Variants in ZNF550 observed in about 807,000 individuals in gnomAD.
ZNF550 encodes zinc finger protein 550.
A neutral mutation model predicts 40.2 loss-of-function variants in ZNF550; 42 were observed. That is an observed-to-expected ratio of 1.05 (90% CI 0.82 to 1.35). The LOEUF (loss-of-function observed/expected upper bound fraction) is 1.35, where lower values mean the gene tolerates loss of function less well. Among genes scored for constraint, ZNF550 ranks in the 40% most tolerant of loss-of-function variants. The pLI is 0.00. For missense variants in ZNF550, 549 were observed against 525.2 expected, an observed-to-expected ratio of 1.05 and a Z score of -0.44; for synonymous variants, 223 against 198.6, an observed-to-expected ratio of 1.12 and a Z score of -1.03.
At chr19:57,560,421 G>T (rs1173780373), upstream of ZNF550, among the ~76,000 whole-genome samples, 1 of 152,206 alleles carries the variant, frequency 6.6e-6, no homozygotes, top group Non-Finnish European at 1.5e-5. Context: ...CCCGCTTCCG[G>T]AGTCCAGCTT....
At chr19:57,545,249 C>T (rs1432009975) in intron 4 of ZNF550, among the ~76,000 whole-genome samples, 1 of 152,180 alleles carries the variant, frequency 6.6e-6, no homozygotes, top group Non-Finnish European at 1.5e-5. Context: ...ATGCTAGGCA[C>T]TTTATTTTGT....
Position 57,550,071 on chromosome 19 carries a change from C to A in ZNF550, c.251-2078G>T, listed in dbSNP as rs372733374. Among the ~76,000 whole-genome samples, 25 of 152,176 alleles carry A rather than the reference C, an allele frequency of 1.6e-4. No individual in the cohort carries two copies. The East Asian group carries it at 2.1e-3, about 13-fold the overall frequency. On this transcript the variant is annotated intron_variant, in intron 3 of 4. Coordinates refer to ENST00000457177, the Ensembl canonical transcript of ZNF550. ...ATTACCCTTATTATTTTCATTGCTG[C>A]GCTGGGCAATTTGGGTAATGCCAGT...
At chr19:57,548,195 G>C (rs2090041377) in intron 3 of ZNF550, among the ~76,000 whole-genome samples, 1 of 152,196 alleles carries the variant, frequency 6.6e-6, no homozygotes, top group South Asian at 2.1e-4. Flanking sequence ...CTGGAGGGCA[G>C]GCTGGACCGG....
chr19:57,558,769 A>C (rs1366891236), intron 1 of ZNF550, among the ~76,000 whole-genome samples: 2 of 152,166 alleles, frequency 1.3e-5, no homozygotes, highest in African/African-American at 4.8e-5. Flanking sequence ...CTACGACAGG[A>C]GCTGACAGTA....
At chr19:57,544,172 C>T (rs1447778843) in intron 4 of ZNF550, 1 of 985,360 alleles carries the variant, frequency 1.0e-6, no homozygotes, top group African/African-American at 1.7e-5. Context: ...TCCCACTCTT[C>T]TAAGTATGAC....
At chr19:57,547,092 C>A in exon 4 of ZNF550, 1 of 1,610,248 alleles carries the variant, frequency 6.2e-7, no homozygotes, top group Non-Finnish European at 8.5e-7. Flanking sequence ...GAATGAGGTA[C>A]GTGCTCCGGT....
intron 2 of ZNF550, chr19:57,556,018 G>A (rs2090117528): frequency 5.6e-6 from 3 of 538,020 alleles, no homozygotes; most frequent in African/African-American, 1.9e-5. Context: ...CTTGATTAAG[G>A]ACCTCAGAAT....
At chr19:57,547,526 A>C (rs1404821057) in exon 4 of ZNF550, 1 of 1,614,048 alleles carries the variant, frequency 6.2e-7, no homozygotes, top group Non-Finnish European at 8.5e-7. Flanking sequence ...CTCTGGCTAA[A>C]GGCTTTCCCA....
chr19:57,557,990 CCT>C (rs1388946262), intron 1 of ZNF550, among the ~76,000 whole-genome samples: 2 of 152,216 alleles, frequency 1.3e-5, no homozygotes, highest in Non-Finnish European at 2.9e-5. Flanking sequence ...TTATTAATCC[CCT>C]GACAGGCCCA....
At chr19:57,556,280 G>C in exon 2 of ZNF550, 1 of 1,614,106 alleles carries the variant, frequency 6.2e-7, no homozygotes, top group Non-Finnish European at 8.5e-7. Flanking sequence ...CTCGGTACAG[G>C]GTCCTCTGGG....
At chr19:57,552,335 T>C (rs1309551249) in intron 3 of ZNF550, 1 of 451,592 alleles carries the variant, frequency 2.2e-6, no homozygotes, top group East Asian at 3.3e-5. Context: ...GTCAAGTATG[T>C]GTACAACTGG....
At position 57,546,855 on chromosome 19, in the gene ZNF550, A is replaced by G. The variant is rs896714502; in HGVS notation, c.*120T>C. On this transcript the variant is annotated 3_prime_UTR_variant, in exon 4 of 5. Coordinates refer to ENST00000457177, the Ensembl canonical transcript of ZNF550. Reference sequence around the variant, plus strand: ...AAGAAAGAGCTGACAAAAAAAATGAAAAGTTTCCTGACATTCTTTGCATTC... The same window carrying G: ...AAGAAAGAGCTGACAAAAAAAATGAGAAGTTTCCTGACATTCTTTGCATTC... 34 of 1,426,340 alleles carry G rather than the reference A, an allele frequency of 2.4e-5. 1 individual carries two copies. In the South Asian group the frequency reaches 4.5e-4, roughly 19 times the overall value. The allele number at this position is 1,426,340 out of a possible 1,614,324, so 88.4% of individuals were successfully genotyped here. A position where few individuals can be genotyped will look rare whatever the true frequency, so the allele number is the denominator to read the frequency against.
intron 3 of ZNF550, among the ~76,000 whole-genome samples, chr19:57,550,019 G>A (rs920086764): frequency 5.9e-5 from 9 of 152,180 alleles, no homozygotes; most frequent in African/African-American, 2.2e-4. Flanking sequence ...TCTTGATGCA[G>A]CGCAAGTGTT....
intron 4 of ZNF550, chr19:57,543,721 A>T (rs1424895122): frequency 1.5e-6 from 1 of 684,910 alleles, no homozygotes; most frequent in East Asian, 1.3e-4. Context: ...GGACTACATG[A>T]GGTCAAGAGT....
At chr19:57,553,932 A>G (rs923665793) in intron 2 of ZNF550, 3 of 152,050 alleles carry the variant, frequency 2.0e-5, no homozygotes, top group African/African-American at 7.2e-5. Flanking sequence ...TCCCAGCACT[A>G]TAGGAGGCCG....
At chr19:57,547,508 G>A in exon 4 of ZNF550, 1 of 1,614,032 alleles carries the variant, frequency 6.2e-7, no homozygotes, top group Non-Finnish European at 8.5e-7. Context: ...TGCCGAATGA[G>A]AGTTGAGCTC....
chr19:57,543,615 C>T (rs2123330324), intron 4 of ZNF550: 1 of 985,314 alleles, frequency 1.0e-6, no homozygotes. Context: ...TTAAATGTAA[C>T]AAAGTTACAA....
At chr19:57,552,495 A>C (rs2090081165) in intron 3 of ZNF550, 132 bp downstream of exon 3, 2 of 662,318 alleles carry the variant, frequency 3.0e-6, no homozygotes. Context: ...CTATGACCCA[A>C]AGTGAGTCAG....
chr19:57,548,696 CA>C (rs1373296003), intron 3 of ZNF550, among the ~76,000 whole-genome samples: 4 of 151,998 alleles, frequency 2.6e-5, no homozygotes, highest in Non-Finnish European at 5.9e-5. Context: ...AAAATAGAGC[CA>C]CCATATGATC....
Sources: allele counts gnomAD v4.1 joint callset (sites outside exome capture counted in the v4.1 genomes callset), GRCh38; gene constraint gnomAD v4.1.1; transcripts MANE v1.5; gene names NCBI Gene and HGNC (gene_info 2026-07-23, HGNC 2026-07-21).